FYTTD1: variants seen among roughly 807,000 people sequenced by gnomAD.
The protein encoded by FYTTD1 is forty-two-three domain containing 1.
In FYTTD1, 22 loss-of-function variants were observed where a neutral mutation model predicts 40.9. The observed-to-expected ratio is 0.54, with a 90% confidence interval of 0.38 to 0.77. The LOEUF is 0.77. Among genes scored for constraint, FYTTD1 ranks in the 30% least tolerant of loss-of-function variants. The pLI, the probability that FYTTD1 is intolerant of heterozygous loss-of-function variation, is 0.00. For missense variants in FYTTD1, 351 were observed against 392.2 expected, an observed-to-expected ratio of 0.90 and a Z score of 0.89; for synonymous variants, 140 against 137.9, an observed-to-expected ratio of 1.01 and a Z score of -0.10.
intron 1 of FYTTD1, among the ~76,000 whole-genome samples, chr3:197,754,741 T>C (rs1729163577): frequency 6.6e-6 from 1 of 151,008 alleles, no homozygotes. Context: ...TGTGGCTCAC[T>C]GCAGCCTTGA....
Position 197,786,089 on chromosome 3 carries a change from C to G in FYTTD1, c.*4180C>G, listed in dbSNP as rs951300124. On this transcript the variant is annotated 3_prime_UTR_variant, in exon 9 of 9. Coordinates refer to ENST00000241502, the MANE Select transcript of FYTTD1 (RefSeq NM_032288.7). ...TTCCCTTCTCACCACAGTTTATTTT[C>G]TTTTTTCTTTTTCTTTTTTTTTTTT... is the stretch of plus-strand genomic sequence containing the variant. The G allele has an allele frequency of 2.0e-4, 29 of 146,048 alleles. No individual in the cohort carries two copies. The highest frequency in any genetic ancestry group is 6.8e-4 in the African/African-American group (27 of 39,712). 9.0% of individuals were successfully genotyped at this position (146,048 alleles called of 1,614,324 possible).
intron 4 of FYTTD1, 134 bp from the exon 5 acceptor site, chr3:197,773,269 C>G (rs2109050585): frequency 1.7e-6 from 1 of 601,602 alleles, no homozygotes; most frequent in African/African-American, 1.9e-5. Context: ...TGTTAATAAG[C>G]AAATAATTCA....
At chr3:197,781,562 C>T (rs917575067) in intron 8 of FYTTD1, among the ~76,000 whole-genome samples, 1 of 152,114 alleles carries the variant, frequency 6.6e-6, no homozygotes, top group African/African-American at 2.4e-5. Context: ...GCAGTGTTTA[C>T]AGAGCCTGAA....
At chr3:197,750,788 G>C (rs546191994) in intron 1 of FYTTD1, 1 of 985,452 alleles carries the variant, frequency 1.0e-6, no homozygotes, top group East Asian at 1.1e-4. Context: ...CATCTTTGAA[G>C]GAGAGATGAT....
rs547291417 is a variant in FYTTD1, at chr3:197,767,183, A to C, written c.236-1256A>C. ...TGAGACGGAGTCTCGCTCTTCGCCCAGGCTGAAGTGCAGTGGCACGATCTC... is the reference window on the plus strand; with the variant it reads ...TGAGACGGAGTCTCGCTCTTCGCCCCGGCTGAAGTGCAGTGGCACGATCTC... On this transcript the variant is annotated intron_variant, in intron 2 of 8. Coordinates refer to ENST00000241502, the MANE Select transcript of FYTTD1 (RefSeq NM_032288.7). Among the ~76,000 whole-genome samples, 78 of 152,136 alleles carry C rather than the reference A, an allele frequency of 5.1e-4. 1 individual carries two copies. In the South Asian group the frequency reaches 0.015, roughly 30 times the overall value.
chr3:197,779,367 A>G (rs1199693734), intron 8 of FYTTD1, among the ~76,000 whole-genome samples: 1 of 151,834 alleles, frequency 6.6e-6, no homozygotes, highest in East Asian at 1.9e-4. Flanking sequence ...GGGAGCTGAG[A>G]TCGTGCCACT....
chr3:197,760,210 T>C (rs1488996512), intron 2 of FYTTD1, among the ~76,000 whole-genome samples: 1 of 152,122 alleles, frequency 6.6e-6, no homozygotes, highest in Non-Finnish European at 1.5e-5. Flanking sequence ...TGTTCCTCAG[T>C]GGTAGAACGT....
chr3:197,778,187 CTAGAG>C (rs1729928562), intron 7 of FYTTD1, 146 bp from the exon 8 acceptor site: 1 of 511,152 alleles, frequency 2.0e-6, no homozygotes, highest in African/African-American at 2.0e-5. Context: ...ATATTTTAGT[CTAGAG>C]TAGCCAGTGA....
chr3:197,769,269 G>A lies in FYTTD1; in HGVS notation c.384+682G>A, dbSNP rs1208574558. 7.3e-5 allele frequency among the ~76,000 whole-genome samples: 11 copies of A among 150,470 alleles called. No individual in the cohort carries two copies. The East Asian group carries it at 7.9e-4, about 11-fold the overall frequency. On this transcript the variant is annotated intron_variant, in intron 3 of 8. Coordinates refer to ENST00000241502, the MANE Select transcript of FYTTD1 (RefSeq NM_032288.7). ...TGCCTGGCTAATTTTTGTATTTTTA[G>A]TAGAGACGGGGTTTCACCATGCTGG...
chr3:197,762,320 G>A (rs950663750), intron 2 of FYTTD1, among the ~76,000 whole-genome samples: 3 of 145,570 alleles, frequency 2.1e-5, no homozygotes, highest in South Asian at 2.1e-4. Flanking sequence ...GGCCAGGCGC[G>A]GTGCTCACGC....
intron 4 of FYTTD1, among the ~76,000 whole-genome samples, chr3:197,772,733 T>A (rs1729755177): frequency 6.6e-6 from 1 of 152,188 alleles, no homozygotes; most frequent in African/African-American, 2.4e-5. Flanking sequence ...TTCAGCCTCC[T>A]GAGTAGCTGG....
At position 197,781,834 on chromosome 3, in the gene FYTTD1, G is replaced by A. The variant is rs1730036198; in HGVS notation, c.882G>A (p.Arg294=). 1.2e-6 allele frequency: 2 copies of A among 1,609,580 alleles called. No individual in the cohort carries two copies. Among genetic ancestry groups the A allele is most frequent in the South Asian group, 2.2e-5 (2 of 90,352 alleles). Residue 294 remains arginine, a synonymous_variant, in exon 9 of 9, where the codon CGG becomes CGA. Coordinates refer to ENST00000241502, the MANE Select transcript of FYTTD1 (RefSeq NM_032288.7). ...AGACAGGGATGACGTTGAATGAGCG[G>A]TTTGGGATCCTGAAGGAACAAAGAG... ...GKQTGMTLNE[R]FGILKEQRAT...
intron 2 of FYTTD1, among the ~76,000 whole-genome samples, chr3:197,767,434 GGCT>G (rs1729584067): frequency 2.8e-5 from 3 of 108,470 alleles, no homozygotes; most frequent in Non-Finnish European, 5.7e-5. Flanking sequence ...CACTGCACCT[GGCT>G]GCTATTTTTT....
At chr3:197,752,739 A>G (rs1203928837) in intron 1 of FYTTD1, among the ~76,000 whole-genome samples, 1 of 151,630 alleles carries the variant, frequency 6.6e-6, no homozygotes, top group Non-Finnish European at 1.5e-5. Context: ...TTGTTTTTAT[A>G]CATACACTAT....
chr3:197,771,846 C>A (rs572924511), intron 4 of FYTTD1, among the ~76,000 whole-genome samples: 2 of 150,062 alleles, frequency 1.3e-5, no homozygotes, highest in African/African-American at 4.9e-5. Flanking sequence ...GCAATCCCAG[C>A]ACTTTGGGAG....
At chr3:197,771,340 AAAAAAACCTGGAATG>A (rs1344900701) in intron 4 of FYTTD1, among the ~76,000 whole-genome samples, 7 of 152,202 alleles carry the variant, frequency 4.6e-5, no homozygotes, top group African/African-American at 1.7e-4. Flanking sequence ...TAAGTCAGCA[AAAAAAACCTGGAATG>A]AGGTTTTTAA....
In FYTTD1 at chr3:197,786,430, A is replaced by G. The variant is rs1329758326; in HGVS notation, c.*4521A>G. On this transcript the variant is annotated 3_prime_UTR_variant, in exon 9 of 9. Coordinates refer to ENST00000241502, the MANE Select transcript of FYTTD1 (RefSeq NM_032288.7). ...GCACCCAGCCTACAGCTTATTTTCT[A>G]CCTATGTTTAACAGGAAGCTTGATA... 1 of 151,724 alleles carries G rather than the reference A, an allele frequency of 6.6e-6. No homozygotes were observed. Among genetic ancestry groups the G allele is most frequent in the Non-Finnish European group, 1.5e-5 (1 of 67,956 alleles). The allele number at this position is 151,724 out of a possible 1,614,324, so 9.4% of individuals were successfully genotyped here.
At position 197,774,353 on chromosome 3, in the gene FYTTD1, C is replaced by T. The variant is rs1285121150; in HGVS notation, c.656+143C>T. The T allele has an allele frequency of 1.6e-5, 11 of 687,422 alleles. No homozygotes were observed. The East Asian group carries it at 3.0e-4, about 19-fold the overall frequency. 42.6% of individuals were successfully genotyped at this position (687,422 alleles called of 1,614,324 possible). A position where few individuals can be genotyped will look rare whatever the true frequency, so the allele number is the denominator to read the frequency against. Reference sequence around the variant, plus strand: ...CTGAAAGCTGGGCATAGTGGTGCTACACACCTGTAATCCCAGCTAGTTGGG... The same window carrying T: ...CTGAAAGCTGGGCATAGTGGTGCTATACACCTGTAATCCCAGCTAGTTGGG... On this transcript the variant is annotated intron_variant, in intron 6 of 8. Coordinates refer to ENST00000241502, the MANE Select transcript of FYTTD1 (RefSeq NM_032288.7).
chr3:197,750,925 C>T, intron 1 of FYTTD1: 1 of 845,786 alleles, frequency 1.2e-6, no homozygotes, highest in Middle Eastern at 6.0e-4. Flanking sequence ...CCAGCCCTGA[C>T]ACTACCGAGG....
Sources: gnomAD v4.1 joint callset for allele counts (sites outside exome capture counted in the v4.1 genomes callset) on GRCh38, gnomAD v4.1.1 for gene constraint, MANE v1.5 for transcripts, NCBI Gene and HGNC (gene_info 2026-07-23, HGNC 2026-07-21) for gene names.